Variants in MTPN observed in about 807,000 individuals in gnomAD.
The protein encoded by MTPN is myotrophin.
In MTPN, 2 loss-of-function variants were observed where a neutral mutation model predicts 13.5. That is an observed-to-expected ratio of 0.15 (90% confidence interval 0.06 to 0.47). The LOEUF is 0.47. Among genes scored for constraint, MTPN ranks in the 20% least tolerant of loss-of-function variants. MTPN has a pLI of 0.97. For synonymous variants in MTPN, 46 were observed against 51.7 expected (o/e 0.89, Z 0.48); for missense variants, 79 against 137.9 (o/e 0.57, Z 2.14).
chr7:135,951,450 T>C (rs1329587507), intron 2 of MTPN, 67 bp downstream of exon 2: 5 of 860,928 alleles, frequency 5.8e-6, no homozygotes, highest in Admixed American at 5.1e-5. Context: ...TTATAATCTA[T>C]AGAAAACAAT....
At chr7:135,975,126 T>C (rs76059521) in intron 1 of MTPN, among the ~76,000 whole-genome samples, 3 of 152,206 alleles carry the variant, frequency 2.0e-5, no homozygotes, top group African/African-American at 7.2e-5. Flanking sequence ...ACGGTAGTAA[T>C]ATAGGGAAAA....
At chr7:135,960,911 G>C (rs376176286) in intron 1 of MTPN, 1 of 151,900 alleles carries the variant, frequency 6.6e-6, no homozygotes, top group Middle Eastern at 3.2e-3. Flanking sequence ...ATAAGTAAGG[G>C]TGTCTTAAGA....
intron 1 of MTPN, among the ~76,000 whole-genome samples, chr7:135,969,511 G>A (rs1386194280): frequency 2.1e-5 from 3 of 139,636 alleles, no homozygotes; most frequent in Non-Finnish European, 4.7e-5. Flanking sequence ...TAAATGGTAT[G>A]AGAACTGTCA....
intron 1 of MTPN, among the ~76,000 whole-genome samples, chr7:135,957,253 A>G (rs1799455537): frequency 6.6e-6 from 1 of 152,326 alleles, no homozygotes; most frequent in East Asian, 1.9e-4. Context: ...TGAGTAGTTT[A>G]AATTAAATAC....
chr7:135,969,474 C>CA (rs948357828), intron 1 of MTPN, among the ~76,000 whole-genome samples: 99 of 125,782 alleles, frequency 7.9e-4, no homozygotes, highest in Middle Eastern at 4.1e-3. Context: ...ACTTAACGTG[C>CA]AAAAAAAAAA....
In MTPN at chr7:135,927,657, A is replaced by G. The variant is rs1562926623; in HGVS notation, c.*2269T>C. 1 of 611,528 alleles carries G rather than the reference A, an allele frequency of 1.6e-6. No homozygotes were observed. The highest frequency in any genetic ancestry group is 3.1e-6 in the Non-Finnish European group (1 of 321,124). 37.9% of individuals were successfully genotyped at this position (611,528 alleles called of 1,614,324 possible). On this transcript the variant is annotated 3_prime_UTR_variant, in exon 4 of 4. Transcript: ENST00000393085. ...TACATTATAAATAACCTAGTTAAAA[A>G]AAGAAACTGTGAACCATCTTGGTCA...
In MTPN at chr7:135,953,000, G is replaced by A. The variant is rs569095792; in HGVS notation, c.73-1370C>T. Among the ~76,000 whole-genome samples, 3 of 152,046 alleles carry A rather than the reference G, an allele frequency of 2.0e-5. No homozygotes were observed. The South Asian group carries it at 6.2e-4, about 32-fold the overall frequency. On this transcript the variant is annotated intron_variant, in intron 1 of 3. Transcript: ENST00000393085. ...TCTCAACAATTGTATTATTCACTTAGCATAGTTTGGTCAACTCATCAAGCC... is the reference window on the plus strand; with the variant it reads ...TCTCAACAATTGTATTATTCACTTAACATAGTTTGGTCAACTCATCAAGCC...
chr7:135,966,345 C>T (rs139442550), intron 1 of MTPN, among the ~76,000 whole-genome samples: 35 of 152,242 alleles, frequency 2.3e-4, no homozygotes, highest in Non-Finnish European at 4.3e-4. Context: ...TTACAATACA[C>T]AGCAGAGTAC....
chr7:135,934,417 C>T (rs1261645535), intron 3 of MTPN, among the ~76,000 whole-genome samples: 2 of 152,126 alleles, frequency 1.3e-5, no homozygotes, highest in African/African-American at 4.8e-5. Context: ...GGAGAAAAGT[C>T]CACAGCAAGT....
At chr7:135,966,134 G>A (rs891093003) in intron 1 of MTPN, among the ~76,000 whole-genome samples, 1 of 152,034 alleles carries the variant, frequency 6.6e-6, no homozygotes, top group Non-Finnish European at 1.5e-5. Context: ...ACTGCTAGGA[G>A]GATTGAAGAA....
chr7:135,943,818 T>G (rs1799248053), intron 3 of MTPN, among the ~76,000 whole-genome samples: 2 of 152,216 alleles, frequency 1.3e-5, no homozygotes, highest in South Asian at 4.1e-4. Flanking sequence ...AGCAGTTCTT[T>G]TGGGCTTTCT....
intron 1 of MTPN, among the ~76,000 whole-genome samples, chr7:135,959,397 G>A (rs1584815979): frequency 6.6e-6 from 1 of 152,112 alleles, no homozygotes; most frequent in East Asian, 1.9e-4. Context: ...AGTACTCATG[G>A]GTTGATTATG....
intron 3 of MTPN, among the ~76,000 whole-genome samples, chr7:135,942,521 T>A (rs971441174): frequency 1.3e-5 from 2 of 152,176 alleles, no homozygotes; most frequent in Non-Finnish European, 2.9e-5. Flanking sequence ...TCTTGCTAGT[T>A]GTGTGATGCT....
intron 1 of MTPN, among the ~76,000 whole-genome samples, chr7:135,955,997 A>C (rs1799438727): frequency 6.6e-6 from 1 of 152,238 alleles, no homozygotes; most frequent in South Asian, 2.1e-4. Context: ...TAAGACAAGG[A>C]TGTCTGTTCT....
At chr7:135,944,678 TA>T (rs1799263386) in intron 3 of MTPN, among the ~76,000 whole-genome samples, 1 of 151,872 alleles carries the variant, frequency 6.6e-6, no homozygotes, top group South Asian at 2.1e-4. Context: ...AAAATGAAAA[TA>T]AATGTGCCAC....
intron 3 of MTPN, among the ~76,000 whole-genome samples, chr7:135,934,710 T>C (rs915591431): frequency 6.6e-6 from 1 of 152,204 alleles, no homozygotes; most frequent in African/African-American, 2.4e-5. Flanking sequence ...TCAACATATA[T>C]AGTATCTGAA....
chr7:135,954,522 C>T (rs1799411304), intron 1 of MTPN, among the ~76,000 whole-genome samples: 1 of 152,170 alleles, frequency 6.6e-6, no homozygotes, highest in Admixed American at 6.5e-5. Context: ...TTAACATTTC[C>T]TTTCTGTTAA....
At chr7:135,973,544 C>T (rs1799727946) in intron 1 of MTPN, among the ~76,000 whole-genome samples, 1 of 151,982 alleles carries the variant, frequency 6.6e-6, no homozygotes, top group Non-Finnish European at 1.5e-5. Flanking sequence ...GTCTGAAATT[C>T]AGGTGAGGCT....
intron 3 of MTPN, among the ~76,000 whole-genome samples, chr7:135,937,882 G>T (rs564785850): frequency 2.2e-4 from 33 of 152,250 alleles, no homozygotes; most frequent in African/African-American, 7.7e-4. Flanking sequence ...TCTTTGTAAT[G>T]ATTTTCTTAA....
Sources: gnomAD v4.1 joint callset for allele counts (sites outside exome capture counted in the v4.1 genomes callset) on GRCh38, gnomAD v4.1.1 for gene constraint, MANE v1.5 for transcripts, NCBI Gene and HGNC (gene_info 2026-07-23, HGNC 2026-07-21) for gene names.